The following RNASE4 variants were observed in gnomAD, a reference collection of about 807,000 sequenced individuals.
RNASE4 encodes the protein ribonuclease 4.
For synonymous variants in RNASE4, 93 were observed against 71.4 expected, an observed-to-expected ratio of 1.30 and a Z score of -1.52; for missense variants, 194 against 192.8, an observed-to-expected ratio of 1.01 and a Z score of -0.04.
chr14:20,693,532 T>G, intron 1 of RNASE4: 1 of 1,608,850 alleles, frequency 6.2e-7, no homozygotes. Context: ...CCACACCTCC[T>G]TTTGCCCTCC....
intron 1 of RNASE4, among the ~76,000 whole-genome samples, chr14:20,687,607 C>G (rs190840536): frequency 6.6e-6 from 1 of 152,334 alleles, no homozygotes; most frequent in African/African-American, 2.4e-5. Flanking sequence ...GGTTCAAAGT[C>G]TGACTCCACC....
Position 20,699,751 on chromosome 14 carries a change from G to A in RNASE4, c.380G>A (p.Ser127Asn). ...AACTGCAGATATCGGGCCATAGCGA[G>A]CACTAGACGTGTTGTCATTGCCTGT... ...APNCRYRAIASTRRVVIACEG... is the reference protein window; with the variant it reads ...APNCRYRAIANTRRVVIACEG... The change falls in exon 2 of 2, where the codon AGC (serine) becomes AAC (asparagine). Residue 127 changes from serine to asparagine, a missense_variant. Physicochemically the swap from Ser to Asn is conservative, Grantham distance 46. Transcript: ENST00000555835. 1 of 1,611,726 alleles carries A rather than the reference G, an allele frequency of 6.2e-7. No individual in the cohort carries two copies. The highest frequency in any genetic ancestry group is 8.5e-7 in the Non-Finnish European group (1 of 1,180,034).
intron 1 of RNASE4, chr14:20,693,611 T>G (rs201878808): frequency 6.2e-7 from 1 of 1,614,072 alleles, no homozygotes; most frequent in Non-Finnish European, 8.5e-7. Flanking sequence ...GTGCTGGGTC[T>G]GGGTCTGACC....
chr14:20,693,798 G>C (rs780547000), intron 1 of RNASE4: 1 of 1,614,042 alleles, frequency 6.2e-7, no homozygotes, highest in Non-Finnish European at 8.5e-7. Context: ...GCAGCATCAA[G>C]GCCATCTGTG....
At chr14:20,689,714 C>T (rs1886610244) in intron 1 of RNASE4, among the ~76,000 whole-genome samples, 2 of 151,958 alleles carry the variant, frequency 1.3e-5, no homozygotes, top group African/African-American at 4.8e-5. Flanking sequence ...GTCAGGAGTT[C>T]GAGACCAGCC....
rs138117719 is a variant in RNASE4 at position 20,685,184 on chromosome 14, C to T, written c.-18+426C>T. Among the ~76,000 whole-genome samples, 9 of 152,254 alleles carry T rather than the reference C, an allele frequency of 5.9e-5. No homozygotes were observed. In the East Asian group the frequency reaches 1.7e-3, roughly 29 times the overall value. On this transcript the variant is annotated intron_variant, in intron 1 of 1. Coordinates refer to ENST00000555835, the MANE Select transcript of RNASE4 (RefSeq NM_002937.5). Reference sequence around the variant, plus strand: ...GGATCGGTGTTTTCTGTTTACTCTCCTCTGCCTCCTCACCCTTAACCCACC... The same window carrying T: ...GGATCGGTGTTTTCTGTTTACTCTCTTCTGCCTCCTCACCCTTAACCCACC...
In RNASE4 at chr14:20,699,430, T is replaced by C; in HGVS notation, c.59T>C (p.Leu20Pro). 1 of 1,611,596 alleles carries C rather than the reference T, an allele frequency of 6.2e-7. No individual in the cohort carries two copies. Reference sequence around the variant, plus strand: ...CTTTTGCTGCTGACCCTGCTGGGGCTGGGGCTGGTCCAGCCCTCCTATGGC... The same window carrying C: ...CTTTTGCTGCTGACCCTGCTGGGGCCGGGGCTGGTCCAGCCCTCCTATGGC... The part of the protein sequence containing the change: ...LLLLLLTLLG[L>P]GLVQPSYGQD... Residue 20 changes from leucine (L) to proline (P), a missense_variant, in exon 2 of 2, where the codon CTG becomes CCG. Physicochemically the swap from Leu to Pro is moderately conservative, Grantham distance 98. Coordinates refer to ENST00000555835, the MANE Select transcript of RNASE4 (RefSeq NM_002937.5).
At chr14:20,685,745 T>C (rs1034628768) in intron 1 of RNASE4, among the ~76,000 whole-genome samples, 1 of 152,144 alleles carries the variant, frequency 6.6e-6, no homozygotes, top group Non-Finnish European at 1.5e-5. Flanking sequence ...TAGTATGGAA[T>C]ATAAAAGTTG....
intron 1 of RNASE4, 179 bp from the exon 2 acceptor site, chr14:20,699,176 A>T (rs779633400): frequency 8.5e-5 from 49 of 576,456 alleles, no homozygotes; most frequent in Non-Finnish European, 1.1e-4. Context: ...ATGTTTGCAA[A>T]CTACTCACTC....
Position 20,693,352 on chromosome 14 carries a change from A to G in RNASE4, c.-17-6003A>G, listed in dbSNP as rs532701199. 618 of 674,334 alleles carry G rather than the reference A, an allele frequency of 9.2e-4. 2 individuals are homozygous for G. Among genetic ancestry groups the G allele is most frequent in the Non-Finnish European group, 1.3e-3 (533 of 398,568 alleles). The allele number at this position is 674,334 out of a possible 1,614,324, so 41.8% of individuals were successfully genotyped here. A position where few individuals can be genotyped will look rare whatever the true frequency, so the allele number is the denominator to read the frequency against. On this transcript the variant is annotated intron_variant, in intron 1 of 1. Transcript: ENST00000555835. ...TGGAGCTAGAGGTTGTGCTCAGGAA[A>G]CTATTAAATAGACGTTCCGCAGGAA...
Position 20,700,608 on chromosome 14 carries a change from T to C in RNASE4, c.*793T>C, listed in dbSNP as rs144109636. On this transcript the variant is annotated 3_prime_UTR_variant, in exon 2 of 2. Coordinates refer to ENST00000555835, the MANE Select transcript of RNASE4 (RefSeq NM_002937.5). ...AAACCGAAGGTACCTGAGAAGACTG[T>C]GCTATGGTATTATTTTTTTTCTCTG... The C allele has an allele frequency of 4.2e-5, 7 of 167,206 alleles. No individual in the cohort carries two copies. Among genetic ancestry groups the C allele is most frequent in the Non-Finnish European group, 8.8e-5 (6 of 68,118 alleles). 10.4% of individuals were successfully genotyped at this position (167,206 alleles called of 1,614,324 possible). A position where few individuals can be genotyped will look rare whatever the true frequency, so the allele number is the denominator to read the frequency against.
rs746611444 is a variant in RNASE4, at chr14:20,699,771, G to A, written c.400G>A (p.Ala134Thr). The A allele has an allele frequency of 6.2e-7, 1 of 1,612,192 alleles. No individual in the cohort carries two copies. Among genetic ancestry groups the A allele is most frequent in the Non-Finnish European group, 8.5e-7 (1 of 1,180,016 alleles). Residue 134 changes from alanine (A) to threonine (T), a missense_variant, in exon 2 of 2, where the codon GCC becomes ACC. Transcript: ENST00000555835. ...AIASTRRVVI[A>T]CEGNPQVPVH... is the part of the protein sequence containing the mutation. The stretch of plus-strand genomic sequence containing the variant: ...AGCGAGCACTAGACGTGTTGTCATT[G>A]CCTGTGAGGGTAACCCACAGGTGCC...
At chr14:20,697,227 AC>A (rs1256376788) in intron 1 of RNASE4, among the ~76,000 whole-genome samples, 1 of 152,238 alleles carries the variant, frequency 6.6e-6, no homozygotes, top group Non-Finnish European at 1.5e-5. Flanking sequence ...ATTTTTGGTC[AC>A]AAAGAATCAG....
rs1298609897 is a variant in RNASE4 at position 20,701,054 on chromosome 14, C to G, written c.*1239C>G. On this transcript the variant is annotated 3_prime_UTR_variant, in exon 2 of 2. Transcript: ENST00000555835. ...AGCTCCCCACCAGAGCACCTTGTGACCCCCGCCCCTGCCCGCTAGAGAATA... is the reference window on the plus strand; with the variant it reads ...AGCTCCCCACCAGAGCACCTTGTGAGCCCCGCCCCTGCCCGCTAGAGAATA... 1 of 152,182 alleles carries G rather than the reference C, an allele frequency of 6.6e-6. No individual in the cohort carries two copies. Among genetic ancestry groups the G allele is most frequent in the East Asian group, 1.9e-4 (1 of 5,198 alleles). 9.4% of individuals were successfully genotyped at this position (152,182 alleles called of 1,614,324 possible).
At chr14:20,690,183 C>G (rs1886655685) in intron 1 of RNASE4, among the ~76,000 whole-genome samples, 1 of 124,796 alleles carries the variant, frequency 8.0e-6, no homozygotes, top group South Asian at 2.7e-4. Context: ...CCACTGCAGT[C>G]CGCAGTCCGG....
At chr14:20,693,983 A>T (rs1383207418) in intron 1 of RNASE4, 2 of 1,614,044 alleles carry the variant, frequency 1.2e-6, no homozygotes, top group East Asian at 4.5e-5. Flanking sequence ...GTCCACTTGG[A>T]TCAGTCAATT....
intron 1 of RNASE4, among the ~76,000 whole-genome samples, chr14:20,687,119 A>G (rs1368797286): frequency 6.6e-6 from 1 of 152,222 alleles, no homozygotes; most frequent in Non-Finnish European, 1.5e-5. Context: ...ACTGACAAAG[A>G]TGTGATGTTC....
chr14:20,687,652 G>A (rs915249368), intron 1 of RNASE4, among the ~76,000 whole-genome samples: 2 of 152,208 alleles, frequency 1.3e-5, no homozygotes, highest in African/African-American at 2.4e-5. Context: ...GTTTCCTCAT[G>A]AGCAGAGCAT....
chr14:20,693,477 C>A (rs1178854764), intron 1 of RNASE4: 4 of 1,586,926 alleles, frequency 2.5e-6, no homozygotes, highest in Non-Finnish European at 3.4e-6. Flanking sequence ...GAGAGCAAAG[C>A]TCCTGTCCTT....
Sources: gnomAD v4.1 joint callset for allele counts (sites outside exome capture counted in the v4.1 genomes callset) on GRCh38, gnomAD v4.1.1 for gene constraint, MANE v1.5 for transcripts, NCBI Gene and HGNC (gene_info 2026-07-23, HGNC 2026-07-21) for gene names.